The following VIPR1 variants were observed in gnomAD, a reference collection of about 807,000 sequenced individuals.
The protein encoded by VIPR1 is vasoactive intestinal peptide receptor 1.
A neutral mutation model predicts 58.8 loss-of-function variants in VIPR1; 59 were observed. That is an observed-to-expected ratio of 1.00 (90% CI 0.81 to 1.25). The LOEUF (loss-of-function observed/expected upper bound fraction) is 1.25. Ranked by LOEUF, VIPR1 falls within the 50% of genes most tolerant of loss-of-function variation. VIPR1 has a pLI of 0.00. For missense variants in VIPR1, 626 were observed against 602.7 expected (o/e 1.04, Z -0.40); for synonymous variants, 251 against 242.1 (o/e 1.04, Z -0.34).
At chr3:42,496,613 TA>T (rs1259063395) in intron 1 of VIPR1, among the ~76,000 whole-genome samples, 1 of 152,226 alleles carries the variant, frequency 6.6e-6, no homozygotes, top group African/African-American at 2.4e-5. Flanking sequence ...GCTATAGCAT[TA>T]GAGGCATAGA....
chr3:42,532,430 G>A (rs1701621110), intron 10 of VIPR1, 97 bp downstream of exon 10: 1 of 1,300,674 alleles, frequency 7.7e-7, no homozygotes, highest in South Asian at 1.2e-5. Flanking sequence ...CAAACATCCA[G>A]AGTCACCAAA....
At chr3:42,531,056 C>T in intron 7 of VIPR1, 124 bp downstream of exon 7, 1 of 1,272,952 alleles carries the variant, frequency 7.9e-7, no homozygotes, top group Non-Finnish European at 1.1e-6. Context: ...GTCCTGCCTG[C>T]AAGGATATCA....
chr3:42,495,083 A>G (rs1699732401), intron 1 of VIPR1, among the ~76,000 whole-genome samples: 1 of 152,198 alleles, frequency 6.6e-6, no homozygotes, highest in Non-Finnish European at 1.5e-5. Flanking sequence ...CAGTTTTATT[A>G]GACCTTAATA....
chr3:42,502,469 G>A (rs1396378386), upstream of VIPR1: 1 of 338,350 alleles, frequency 3.0e-6, no homozygotes, highest in Non-Finnish European at 5.3e-6. Flanking sequence ...GATTGGCAAA[G>A]AGAGAGCAGA....
intron 1 of VIPR1, among the ~76,000 whole-genome samples, chr3:42,491,996 A>G (rs895682240): frequency 8.5e-5 from 13 of 152,194 alleles, no homozygotes; most frequent in African/African-American, 2.9e-4. Context: ...CAGGTGAGGG[A>G]TAAGTTAAAG....
intron 1 of VIPR1, among the ~76,000 whole-genome samples, chr3:42,504,902 CA>C (rs56310463): frequency 0.17 from 8,920 of 53,158 alleles, 172 homozygotes; most frequent in East Asian, 0.32. Flanking sequence ...AAAAGGGAGG[CA>C]AAAAAAAAAA....
chr3:42,507,162 T>C (rs758516553), intron 1 of VIPR1: 12 of 152,214 alleles, frequency 7.9e-5, no homozygotes, highest in Non-Finnish European at 1.2e-4. Flanking sequence ...TTGACAGGAA[T>C]TGCTTAATAT....
At chr3:42,531,775 C>T in intron 8 of VIPR1, 28 bp from the exon 9 acceptor site, 2 of 1,613,998 alleles carry the variant, frequency 1.2e-6, no homozygotes, top group African/African-American at 2.7e-5. Flanking sequence ...AGGACAATCC[C>T]TCTCATTCCT....
At chr3:42,495,994 A>G (rs1699751517) in intron 1 of VIPR1, among the ~76,000 whole-genome samples, 1 of 151,948 alleles carries the variant, frequency 6.6e-6, no homozygotes, top group Non-Finnish European at 1.5e-5. Flanking sequence ...TGAGATAATA[A>G]TGAGTGCTGT....
intron 10 of VIPR1, chr3:42,534,212 AC>A (rs1701729317): frequency 6.6e-6 from 1 of 152,392 alleles, no homozygotes; most frequent in Admixed American, 6.5e-5. Context: ...AGAAGCAGAC[AC>A]AGCAGAAAAA....
At chr3:42,517,414 T>A (rs1423728404) in intron 2 of VIPR1, among the ~76,000 whole-genome samples, 1 of 152,186 alleles carries the variant, frequency 6.6e-6, no homozygotes, top group Admixed American at 6.5e-5. Flanking sequence ...AAGAGACAAT[T>A]AAGCCTCCTG....
chr3:42,526,994 G>A (rs966961214), intron 4 of VIPR1, among the ~76,000 whole-genome samples: 5 of 152,234 alleles, frequency 3.3e-5, no homozygotes, highest in African/African-American at 9.6e-5. Flanking sequence ...AGGGCCTCGA[G>A]GGGTGTCTGA....
At chr3:42,523,612 C>CACAA (rs1701070246) in intron 3 of VIPR1, among the ~76,000 whole-genome samples, 1 of 144,050 alleles carries the variant, frequency 6.9e-6, no homozygotes, top group African/African-American at 2.6e-5. Flanking sequence ...ACTACACACA[C>CACAA]ACACACACAC....
At chr3:42,530,073 T>G (rs1701453349) in intron 6 of VIPR1, 1 of 107,310 alleles carries the variant, frequency 9.3e-6, no homozygotes, top group Non-Finnish European at 1.9e-5. Context: ...GAGCAGACTC[T>G]TGAAACTCAA....
At position 42,531,792 on chromosome 3, in the gene VIPR1, G is replaced by A. The variant is rs138202908; in HGVS notation, c.852-11G>A. ...GACAATCCCTCTCATTCCTCCCCAC[G>A]GTCTGCTCAGGTGCTGGGACACCAT... On this transcript the variant is annotated splice_polypyrimidine_tract_variant and intron_variant, in intron 8 of 12. Coordinates refer to ENST00000325123, the MANE Select transcript of VIPR1 (RefSeq NM_004624.4). 15 of 1,614,010 alleles carry A rather than the reference G, an allele frequency of 9.3e-6. No homozygotes were observed. The highest frequency in any genetic ancestry group is 2.2e-5 in the East Asian group (1 of 44,876).
chr3:42,531,025 C>T (rs1423498013), intron 7 of VIPR1, 93 bp downstream of exon 7: 1 of 1,488,642 alleles, frequency 6.7e-7, no homozygotes, highest in Non-Finnish European at 9.1e-7. Context: ...GCTTGCAGTC[C>T]TACGTCTTGC....
At chr3:42,509,835 C>T (rs1700282609) in intron 1 of VIPR1, 1 of 152,388 alleles carries the variant, frequency 6.6e-6, no homozygotes, top group African/African-American at 2.4e-5. Context: ...CTAACCAAGT[C>T]TTGTTCATTC....
intron 6 of VIPR1, chr3:42,528,384 A>G (rs919499047): frequency 1.5e-5 from 8 of 516,394 alleles, no homozygotes; most frequent in Non-Finnish European, 2.4e-5. Flanking sequence ...CAGATGGGAA[A>G]TGGGACACTT....
chr3:42,533,935 C>T (rs1577259895), intron 10 of VIPR1: 1 of 152,338 alleles, frequency 6.6e-6, no homozygotes, highest in African/African-American at 2.4e-5. Flanking sequence ...AGAGACCCTC[C>T]CTATCCACAC....
Sources: gnomAD v4.1 joint callset for allele counts (sites outside exome capture counted in the v4.1 genomes callset) on GRCh38, gnomAD v4.1.1 for gene constraint, MANE v1.5 for transcripts, NCBI Gene and HGNC (gene_info 2026-07-23, HGNC 2026-07-21) for gene names.